METTL6: variants seen among roughly 807,000 people sequenced by gnomAD.
The protein encoded by METTL6 is methyltransferase 6, tRNA N3-cytidine.
A neutral mutation model predicts 26.4 loss-of-function variants in METTL6; 22 were observed. That is an observed-to-expected ratio of 0.83 (90% CI 0.59 to 1.19). The LOEUF (loss-of-function observed/expected upper bound fraction) is 1.19, where lower values mean the gene tolerates loss of function less well. Ranked by LOEUF, METTL6 falls within the 50% of genes most tolerant of loss-of-function variation. The pLI, the probability that METTL6 is intolerant of heterozygous loss-of-function variation, is 0.00. For missense variants in METTL6, 304 were observed against 324.8 expected, an observed-to-expected ratio of 0.94 and a Z score of 0.49; for synonymous variants, 109 against 116.2, an observed-to-expected ratio of 0.94 and a Z score of 0.40.
upstream of METTL6, chr3:15,427,573 C>T (rs2125060140): frequency 3.5e-6 from 2 of 566,540 alleles, no homozygotes; most frequent in East Asian, 6.4e-5. Flanking sequence ...CGCCGGAAGT[C>T]CCACGGCCTT....
downstream of METTL6, among the ~76,000 whole-genome samples, chr3:15,407,434 C>A (rs947451566): frequency 6.6e-6 from 1 of 152,218 alleles, no homozygotes; most frequent in Non-Finnish European, 1.5e-5. Context: ...TTGGAGGAAA[C>A]TGTTGGCCCC....
intron 3 of METTL6, among the ~76,000 whole-genome samples, chr3:15,422,833 A>G (rs2061637878): frequency 6.6e-6 from 1 of 152,150 alleles, no homozygotes; most frequent in African/African-American, 2.4e-5. Context: ...AACCAGTAAG[A>G]TCTCCAGATA....
intron 6 of METTL6, among the ~76,000 whole-genome samples, chr3:15,389,004 C>T (rs577814389): frequency 6.6e-6 from 1 of 152,040 alleles, no homozygotes; most frequent in Non-Finnish European, 1.5e-5. Context: ...TGACTATAGG[C>T]ATATGCCACC....
intron 3 of METTL6, among the ~76,000 whole-genome samples, chr3:15,422,710 T>A (rs1040758116): frequency 1.3e-5 from 2 of 152,176 alleles, no homozygotes; most frequent in African/African-American, 4.8e-5. Flanking sequence ...GAAAGGTTGA[T>A]GGGGAACGAG....
chr3:15,387,284 A>G (rs1301981410), intron 6 of METTL6, among the ~76,000 whole-genome samples: 2 of 152,202 alleles, frequency 1.3e-5, no homozygotes, highest in South Asian at 2.1e-4. Flanking sequence ...AACATAATGA[A>G]CAGTGAGGAT....
intron 6 of METTL6, among the ~76,000 whole-genome samples, chr3:15,392,537 T>G (rs925461950): frequency 6.6e-6 from 1 of 152,244 alleles, no homozygotes; most frequent in African/African-American, 2.4e-5. Context: ...TTCGTTGCCA[T>G]TCCTTTTGGT....
chr3:15,384,780 G>T (rs904321630), intron 6 of METTL6, among the ~76,000 whole-genome samples: 23 of 152,116 alleles, frequency 1.5e-4, no homozygotes, highest in Admixed American at 1.5e-3. Context: ...GTTTTTGAAG[G>T]CCACAGATCA....
intron 6 of METTL6, among the ~76,000 whole-genome samples, chr3:15,403,179 T>A (rs1339251211): frequency 6.6e-6 from 1 of 152,172 alleles, no homozygotes; most frequent in Non-Finnish European, 1.5e-5. Flanking sequence ...TCATTATGTA[T>A]CCCAGATTGG....
rs565024213 is a variant in METTL6, at chr3:15,417,817, C to T, written c.361-1875G>A. On this transcript the variant is annotated intron_variant, in intron 3 of 5. Transcript: ENST00000383790. ...TGACTACCCTTGAGACACAGGCCCACGGTACCAGTTCAAATTTGGAGAAGC... is the reference window on the plus strand; with the variant it reads ...TGACTACCCTTGAGACACAGGCCCATGGTACCAGTTCAAATTTGGAGAAGC... 4.6e-5 allele frequency among the ~76,000 whole-genome samples: 7 copies of T among 152,226 alleles called. No individual in the cohort carries two copies. In the South Asian group the frequency reaches 8.3e-4, roughly 18 times the overall value.
chr3:15,414,980 CT>C, intron 4 of METTL6: 1 of 1,097,644 alleles, frequency 9.1e-7, no homozygotes, highest in Non-Finnish European at 1.1e-6. Flanking sequence ...CATTGAAGCA[CT>C]TTCTTGCAAC....
intron 3 of METTL6, among the ~76,000 whole-genome samples, chr3:15,416,676 T>C (rs1700220097): frequency 6.6e-6 from 1 of 152,246 alleles, no homozygotes; most frequent in African/African-American, 2.4e-5. Flanking sequence ...ATTTTCTCTT[T>C]ATGCAGCAAG....
At chr3:15,416,873 T>C (rs1055724355) in intron 3 of METTL6, among the ~76,000 whole-genome samples, 1 of 152,190 alleles carries the variant, frequency 6.6e-6, no homozygotes, top group Admixed American at 6.5e-5. Flanking sequence ...ATTAAAAAGA[T>C]GTCAATTCTA....
chr3:15,408,145 T>C (rs914432736), downstream of METTL6, among the ~76,000 whole-genome samples: 6 of 152,176 alleles, frequency 3.9e-5, no homozygotes, highest in Non-Finnish European at 7.4e-5. Context: ...ATTTTAAAAA[T>C]AGAAGAAAAA....
intron 6 of METTL6, among the ~76,000 whole-genome samples, chr3:15,403,975 C>T (rs967678053): frequency 4.6e-5 from 7 of 152,266 alleles, no homozygotes; most frequent in Admixed American, 2.6e-4. Flanking sequence ...GACAAGAGGT[C>T]ACTCTCGTCG....
At chr3:15,415,427 G>A in intron 4 of METTL6, 1 of 1,431,842 alleles carries the variant, frequency 7.0e-7, no homozygotes, top group East Asian at 2.5e-5. Context: ...AAAGTGTTGG[G>A]ATTACAGGCA....
chr3:15,391,959 A>G (rs1203770546), intron 6 of METTL6, among the ~76,000 whole-genome samples: 1 of 152,200 alleles, frequency 6.6e-6, no homozygotes, highest in Non-Finnish European at 1.5e-5. Flanking sequence ...CAATAAACAT[A>G]CATGTGCATG....
chr3:15,423,461 A>C (rs1559498561), intron 3 of METTL6, among the ~76,000 whole-genome samples: 1 of 152,216 alleles, frequency 6.6e-6, no homozygotes, highest in Non-Finnish European at 1.5e-5. Context: ...GATTATAAAC[A>C]GCTATAGGCA....
chr3:15,397,938 C>G (rs142476437), intron 6 of METTL6, among the ~76,000 whole-genome samples: 1 of 152,250 alleles, frequency 6.6e-6, no homozygotes, highest in Non-Finnish European at 1.5e-5. Context: ...TTACCTGGAC[C>G]TACTGATCAA....
At chr3:15,406,520 A>G (rs1699788153), downstream of METTL6, among the ~76,000 whole-genome samples, 1 of 149,602 alleles carries the variant, frequency 6.7e-6, no homozygotes, top group African/African-American at 2.5e-5. Flanking sequence ...AACATATCTT[A>G]AAGTTGGCAG....
Sources: gnomAD v4.1 joint callset for allele counts (sites outside exome capture counted in the v4.1 genomes callset) on GRCh38, gnomAD v4.1.1 for gene constraint, MANE v1.5 for transcripts, NCBI Gene and HGNC (gene_info 2026-07-23, HGNC 2026-07-21) for gene names.